Variants in MALRD1 observed in about 807,000 individuals in gnomAD.
The protein encoded by MALRD1 is MAM and LDL-receptor class A domain-containing protein 1.
Under a neutral mutation model 242.1 loss-of-function variants are expected in MALRD1, and 247 were observed. The ratio of observed to expected loss-of-function variants is 1.02; its 90% CI spans 0.92 to 1.13. The LOEUF (loss-of-function observed/expected upper bound fraction) is 1.13, where lower values mean the gene tolerates loss of function less well. MALRD1 is among the 50% of genes most tolerant of loss of function. The pLI, the probability that MALRD1 is intolerant of heterozygous loss-of-function variation, is 0.00. For synonymous variants in MALRD1, 995 were observed against 866.6 expected (o/e 1.15, Z -2.60); for missense variants, 2,989 against 2,533.1 (o/e 1.18, Z -3.86).
At chr10:19,603,635 C>T (rs904427450) in intron 34 of MALRD1, among the ~76,000 whole-genome samples, 4 of 152,156 alleles carry the variant, frequency 2.6e-5, no homozygotes, top group Non-Finnish European at 4.4e-5. Context: ...TGTGATGCCT[C>T]CGGCTTTGTT....
At chr10:19,436,865 A>G (rs1834369689) in intron 28 of MALRD1, among the ~76,000 whole-genome samples, 1 of 152,156 alleles carries the variant, frequency 6.6e-6, no homozygotes, top group Non-Finnish European at 1.5e-5. Flanking sequence ...GCATTACAGT[A>G]TTATACAGAA....
intron 18 of MALRD1, among the ~76,000 whole-genome samples, chr10:19,211,693 A>C (rs1469715680): frequency 7.2e-5 from 1 of 13,824 alleles, no homozygotes. Flanking sequence ...ACAAAAAAAA[A>C]AAAAAAAAAA....
At chr10:19,120,501 A>G (rs1010578137) in intron 5 of MALRD1, among the ~76,000 whole-genome samples, 11 of 152,178 alleles carry the variant, frequency 7.2e-5, no homozygotes, top group African/African-American at 2.7e-4. Context: ...GAACCTCAAA[A>G]ACATTTTGCT....
chr10:19,730,524 C>G, intron 38 of MALRD1, 182 bp from the exon 39 acceptor site: 1 of 686,358 alleles, frequency 1.5e-6, no homozygotes, highest in South Asian at 1.5e-5. Context: ...ATGTGGTTGC[C>G]TTGGTGTCCT....
intron 36 of MALRD1, among the ~76,000 whole-genome samples, chr10:19,687,529 C>T (rs530550554): frequency 6.6e-6 from 1 of 152,262 alleles, no homozygotes; most frequent in East Asian, 1.9e-4. Context: ...ACTGAATTAC[C>T]TTCACAGAGC....
rs113743963 is a variant in MALRD1 at position 19,208,688 on chromosome 10, T to G, written c.2579-580T>G. On this transcript the variant is annotated intron_variant, in intron 17 of 39. Coordinates refer to ENST00000454679, the MANE Select transcript of MALRD1 (RefSeq NM_001142308.3). ...TCTAATAAGCTAGTATCTGTTTCAG[T>G]GTTTTGCTATGAAGTCAGCAATTTT... Among the ~76,000 whole-genome samples, 589 of 152,264 alleles carry G rather than the reference T, an allele frequency of 3.9e-3. 4 individuals carry two copies. Among genetic ancestry groups the G allele is most frequent in the African/African-American group, 0.013 (539 of 41,538 alleles).
chr10:19,095,312 A>G (rs12262522), intron 4 of MALRD1, among the ~76,000 whole-genome samples: 5,120 of 152,274 alleles, frequency 0.034, 267 homozygotes, highest in African/African-American at 0.12. Flanking sequence ...TCAGGCTTCA[A>G]TAAACTTAAT....
In MALRD1 at chr10:19,087,796, T is replaced by C. The variant is rs978920555; in HGVS notation, c.341-44T>C. ...GCTATCAAATAGTAGGTCTTATTCA[T>C]TCTTTCTGGTTTTTTTTTGTACCCT... On this transcript the variant is annotated intron_variant, in intron 2 of 39. Transcript: ENST00000454679. 3.9e-6 allele frequency: 4 copies of C among 1,025,784 alleles called. No homozygotes were observed. In the African/African-American group the frequency reaches 7.1e-5, roughly 18 times the overall value. The allele number at this position is 1,025,784 out of a possible 1,614,324, so 63.5% of individuals were successfully genotyped here.
intron 28 of MALRD1, among the ~76,000 whole-genome samples, chr10:19,447,983 T>G (rs1835096798): frequency 6.6e-6 from 1 of 152,164 alleles, no homozygotes; most frequent in Non-Finnish European, 1.5e-5. Flanking sequence ...TATAAACTGT[T>G]AGTTGTTTTG....
chr10:19,509,639 A>G (rs1833304329), intron 31 of MALRD1, among the ~76,000 whole-genome samples: 2 of 152,194 alleles, frequency 1.3e-5, no homozygotes, highest in Admixed American at 1.3e-4. Context: ...GTATCGAGTC[A>G]GCTGAATGAT....
At chr10:19,392,378 T>C (rs973943620) in intron 28 of MALRD1, among the ~76,000 whole-genome samples, 10 of 152,182 alleles carry the variant, frequency 6.6e-5, no homozygotes, top group African/African-American at 2.4e-4. Flanking sequence ...CCACACTGAC[T>C]TTAATATTGA....
At chr10:19,425,454 G>T (rs1253926957) in intron 28 of MALRD1, among the ~76,000 whole-genome samples, 9 of 152,134 alleles carry the variant, frequency 5.9e-5, no homozygotes, top group Admixed American at 5.9e-4. Context: ...GTGTGTGTGT[G>T]TATGTATACA....
At chr10:19,320,047 T>A (rs1234049143) in intron 21 of MALRD1, among the ~76,000 whole-genome samples, 2 of 149,142 alleles carry the variant, frequency 1.3e-5, no homozygotes, top group East Asian at 4.0e-4. Flanking sequence ...ACTGCTTTTT[T>A]TTTTTTTTTT....
intron 26 of MALRD1, among the ~76,000 whole-genome samples, chr10:19,364,100 T>G (rs73593880): frequency 0.021 from 3,198 of 152,068 alleles, 100 homozygotes; most frequent in African/African-American, 0.072. Flanking sequence ...GAAAACCAGT[T>G]TTTACATTAG....
At chr10:19,404,293 A>G (rs934980630) in intron 28 of MALRD1, among the ~76,000 whole-genome samples, 6 of 152,028 alleles carry the variant, frequency 3.9e-5, no homozygotes, top group African/African-American at 1.4e-4. Flanking sequence ...AATAAACATC[A>G]TTAGGAAAAA....
chr10:19,687,901 T>A (rs543814737), intron 36 of MALRD1, among the ~76,000 whole-genome samples: 1 of 151,192 alleles, frequency 6.6e-6, no homozygotes, highest in South Asian at 2.1e-4. Flanking sequence ...TATTATTATT[T>A]ATTTTTTTAA....
In MALRD1 at chr10:19,719,195, CATAT is replaced by C. The variant is rs375329335; in HGVS notation, c.6315-11497_6315-11494del. On this transcript the variant is annotated intron_variant, in intron 38 of 39. Coordinates refer to ENST00000454679, the MANE Select transcript of MALRD1 (RefSeq NM_001142308.3). Reference sequence around the variant, plus strand: ...ACATACATATATATATATATACATACATATATATATATATATACACATACATACA... The same window carrying C: ...ACATACATATATATATATATACATACATATATATATATACACATACATACA... Among the ~76,000 whole-genome samples the C allele has an allele frequency of 3.7e-3, 70 of 18,758 alleles. 1 individual carries two copies. Among genetic ancestry groups the C allele is most frequent in the Admixed American group, 5.9e-3 (8 of 1,356 alleles). The allele number at this position is 18,758 out of a possible 152,430, so 12.3% of individuals were successfully genotyped here. A position where few individuals can be genotyped will look rare whatever the true frequency, so the allele number is the denominator to read the frequency against.
intron 10 of MALRD1, among the ~76,000 whole-genome samples, chr10:19,138,051 A>G (rs532526568): frequency 7.9e-5 from 12 of 152,344 alleles, no homozygotes; most frequent in African/African-American, 2.6e-4. Context: ...TCTCTTGGGA[A>G]GCTTGGATTT....
intron 24 of MALRD1, among the ~76,000 whole-genome samples, chr10:19,336,171 A>G (rs937476960): frequency 6.6e-6 from 1 of 152,232 alleles, no homozygotes; most frequent in Non-Finnish European, 1.5e-5. Context: ...CTTCTACAAT[A>G]CAGGATGTAG....
Sources: allele counts gnomAD v4.1 joint callset (sites outside exome capture counted in the v4.1 genomes callset), GRCh38; gene constraint gnomAD v4.1.1; transcripts MANE v1.5; gene names NCBI Gene and HGNC (gene_info 2026-07-23, HGNC 2026-07-21).